Variants in NLGN1 observed in about 807,000 individuals in gnomAD.
NLGN1 encodes the protein neuroligin 1, also known as neuroligin-1.
NLGN1 carries 12 observed loss-of-function variants against 65.5 expected under a neutral mutation model. That is an observed-to-expected ratio of 0.18 (90% CI 0.12 to 0.30). The LOEUF (loss-of-function observed/expected upper bound fraction) is 0.30. Among genes scored for constraint, NLGN1 ranks in the 10% least tolerant of loss-of-function variants. The pLI is 1.00. For missense variants in NLGN1, 750 were observed against 1,007.1 expected (o/e 0.74, Z 3.46); for synonymous variants, 350 against 359.5 (o/e 0.97, Z 0.30).
chr3:173,446,740 C>T (rs1010155349), intron 2 of NLGN1, among the ~76,000 whole-genome samples: 6 of 152,150 alleles, frequency 3.9e-5, no homozygotes, highest in East Asian at 3.9e-4. Flanking sequence ...TTCCTGACTT[C>T]GTAATGATTG....
chr3:174,217,335 A>G (rs980158541), intron 4 of NLGN1, among the ~76,000 whole-genome samples: 6 of 152,140 alleles, frequency 3.9e-5, no homozygotes, highest in African/African-American at 1.2e-4. Flanking sequence ...TTTCCAAATG[A>G]AAACATAATC....
At chr3:173,619,524 A>G (rs993295178) in intron 3 of NLGN1, among the ~76,000 whole-genome samples, 2 of 152,230 alleles carry the variant, frequency 1.3e-5, no homozygotes, top group Non-Finnish European at 2.9e-5. Flanking sequence ...TACAATTTGT[A>G]TAGTGCCTAC....
intron 2 of NLGN1, among the ~76,000 whole-genome samples, chr3:173,557,389 T>G (rs1338740289): frequency 2.0e-5 from 3 of 152,136 alleles, no homozygotes; most frequent in African/African-American, 7.2e-5. Flanking sequence ...CTTATCTCAT[T>G]TTTTTCTCAT....
intron 4 of NLGN1, among the ~76,000 whole-genome samples, chr3:174,009,794 C>A (rs1052465661): frequency 6.6e-6 from 1 of 152,094 alleles, no homozygotes; most frequent in Non-Finnish European, 1.5e-5. Context: ...AGGCAACAGA[C>A]AGGAAACATG....
intron 4 of NLGN1, among the ~76,000 whole-genome samples, chr3:173,983,127 TATC>T (rs1719125888): frequency 6.6e-6 from 1 of 152,222 alleles, no homozygotes; most frequent in Non-Finnish European, 1.5e-5. Flanking sequence ...TTGGGTAAGT[TATC>T]ATGTTTCTCA....
intron 3 of NLGN1, among the ~76,000 whole-genome samples, chr3:173,699,370 T>C (rs1560193004): frequency 6.6e-6 from 1 of 152,228 alleles, no homozygotes; most frequent in Non-Finnish European, 1.5e-5. Flanking sequence ...TGTTAGCCTA[T>C]TCTTGACGTT....
chr3:173,622,210 G>A (rs1203118718), intron 3 of NLGN1, among the ~76,000 whole-genome samples: 3 of 152,046 alleles, frequency 2.0e-5, no homozygotes, highest in Non-Finnish European at 4.4e-5. Context: ...CAAGATTGAG[G>A]AATGTATACA....
intron 3 of NLGN1, among the ~76,000 whole-genome samples, chr3:173,780,067 A>C (rs1482261524): frequency 6.6e-6 from 1 of 152,164 alleles, no homozygotes; most frequent in African/African-American, 2.4e-5. Context: ...ATAAAAAGCT[A>C]TACATTTTCT....
At chr3:173,966,297 G>A (rs1468327794) in intron 4 of NLGN1, among the ~76,000 whole-genome samples, 2 of 152,104 alleles carry the variant, frequency 1.3e-5, no homozygotes, top group African/African-American at 4.8e-5. Context: ...GTTTTCCTAA[G>A]TCCAAAAAGA....
intron 4 of NLGN1, among the ~76,000 whole-genome samples, chr3:173,972,721 A>G (rs1467046154): frequency 6.6e-6 from 1 of 152,116 alleles, no homozygotes; most frequent in African/African-American, 2.4e-5. Context: ...CTGGTGAGGC[A>G]GTGATTAGAT....
intron 4 of NLGN1, among the ~76,000 whole-genome samples, chr3:173,874,118 A>G (rs1158033606): frequency 1.3e-5 from 2 of 152,128 alleles, no homozygotes; most frequent in African/African-American, 4.8e-5. Context: ...GAGAAAATAA[A>G]TTTCACTTGT....
At chr3:173,933,836 A>C (rs9853914) in intron 4 of NLGN1, among the ~76,000 whole-genome samples, 53,544 of 151,816 alleles carry the variant, frequency 0.35, 10,327 homozygotes, top group African/African-American at 0.51. Context: ...TTAATCTCAC[A>C]TGTATCTCTC....
chr3:173,792,662 A>G (rs966447618), intron 3 of NLGN1, among the ~76,000 whole-genome samples: 24 of 152,136 alleles, frequency 1.6e-4, no homozygotes, highest in African/African-American at 4.8e-4. Flanking sequence ...TTGGAAAGCA[A>G]TGGAACTTAA....
At chr3:173,693,757 G>A (rs1765801066) in intron 3 of NLGN1, among the ~76,000 whole-genome samples, 3 of 151,960 alleles carry the variant, frequency 2.0e-5, no homozygotes, top group African/African-American at 4.8e-5. Flanking sequence ...AAATAAAAAA[G>A]AAGGTTAATT....
intron 4 of NLGN1, among the ~76,000 whole-genome samples, chr3:174,059,194 C>T (rs938244572): frequency 6.6e-5 from 10 of 152,114 alleles, no homozygotes; most frequent in South Asian, 2.1e-4. Flanking sequence ...GAGAGCCTGA[C>T]GGGGTAAATG....
At chr3:174,114,987 T>C (rs375947286) in intron 4 of NLGN1, among the ~76,000 whole-genome samples, 3 of 152,158 alleles carry the variant, frequency 2.0e-5, no homozygotes, top group African/African-American at 7.2e-5. Context: ...AGCAATTGGA[T>C]CAGAATCTAG....
At chr3:173,910,149 A>G (rs1384427635) in intron 4 of NLGN1, among the ~76,000 whole-genome samples, 1 of 152,174 alleles carries the variant, frequency 6.6e-6, no homozygotes, top group Admixed American at 6.6e-5. Flanking sequence ...TCGTTGGTAG[A>G]AGTTTCAGAG....
intron 4 of NLGN1, among the ~76,000 whole-genome samples, chr3:174,089,316 G>A (rs143268602): frequency 1.3e-5 from 2 of 152,208 alleles, no homozygotes; most frequent in Admixed American, 1.3e-4. Context: ...AACTTATCTA[G>A]CCATTCTCAG....
intron 3 of NLGN1, among the ~76,000 whole-genome samples, chr3:173,788,124 G>C (rs976429694): frequency 5.1e-5 from 7 of 136,078 alleles, no homozygotes; most frequent in African/African-American, 2.0e-4. Context: ...TATTACAATG[G>C]AAATAAAGAG....
Sources: allele counts gnomAD v4.1 joint callset (sites outside exome capture counted in the v4.1 genomes callset), GRCh38; gene constraint gnomAD v4.1.1; transcripts MANE v1.5; gene names NCBI Gene and HGNC (gene_info 2026-07-23, HGNC 2026-07-21).